The following SYN3 variants were observed in gnomAD, a reference collection of about 807,000 sequenced individuals.
SYN3 encodes synapsin-3.
Under a neutral mutation model 65.8 loss-of-function variants are expected in SYN3, and 35 were observed. That is an observed-to-expected ratio of 0.53 (90% confidence interval 0.41 to 0.70). The LOEUF is 0.70. Among genes scored for constraint, SYN3 ranks in the 30% least tolerant of loss-of-function variants. The pLI is 0.00. For synonymous variants in SYN3, 270 were observed against 292.9 expected, an observed-to-expected ratio of 0.92 and a Z score of 0.80; for missense variants, 680 against 749.0, an observed-to-expected ratio of 0.91 and a Z score of 1.08.
intron 6 of SYN3, among the ~76,000 whole-genome samples, chr22:32,663,036 T>A (rs1240300572): frequency 6.6e-6 from 1 of 152,220 alleles, no homozygotes; most frequent in Non-Finnish European, 1.5e-5. Context: ...CAATTCATAG[T>A]TCACTTTTCT....
intron 3 of SYN3, among the ~76,000 whole-genome samples, chr22:32,946,593 T>C (rs1029059070): frequency 6.6e-6 from 1 of 151,954 alleles, no homozygotes; most frequent in Admixed American, 6.6e-5. Flanking sequence ...CTAATGTAAA[T>C]GATGAATTAA....
intron 6 of SYN3, among the ~76,000 whole-genome samples, chr22:32,624,237 C>T (rs1193861634): frequency 1.3e-5 from 2 of 152,154 alleles, no homozygotes; most frequent in Non-Finnish European, 2.9e-5. Context: ...TGCCAATGCC[C>T]AGGGAGGCCT....
intron 3 of SYN3, among the ~76,000 whole-genome samples, chr22:32,976,994 T>TGGG (rs133920): frequency 3.4e-4 from 51 of 148,856 alleles, no homozygotes; most frequent in African/African-American, 1.0e-3. Flanking sequence ...GTGAGATTCC[T>TGGG]GGGGGGGGGG....
rs1396486209 is a variant in SYN3 at position 32,508,809 on chromosome 22, C to G, written c.*4883G>C. 6.6e-6 allele frequency among the ~76,000 whole-genome samples: 1 copy of G among 152,180 alleles called. No individual in the cohort carries two copies. Among genetic ancestry groups the G allele is most frequent in the Non-Finnish European group, 1.5e-5 (1 of 68,040 alleles). Reference sequence around the variant, plus strand: ...TCCTGAACACCTGCTGGGTGCCAAGCAATGTGCTCTGAGCTTCACTCTCTT... The same window carrying G: ...TCCTGAACACCTGCTGGGTGCCAAGGAATGTGCTCTGAGCTTCACTCTCTT... On this transcript the variant is annotated 3_prime_UTR_variant, in exon 14 of 14. Coordinates refer to ENST00000358763, the MANE Select transcript of SYN3 (RefSeq NM_003490.4).
intron 7 of SYN3, among the ~76,000 whole-genome samples, chr22:32,543,605 G>A (rs960340383): frequency 6.6e-6 from 1 of 152,176 alleles, no homozygotes; most frequent in Admixed American, 6.5e-5. Flanking sequence ...GCGGTGGTGT[G>A]CCTCCTTCCT....
intron 6 of SYN3, among the ~76,000 whole-genome samples, chr22:32,602,651 G>A (rs1168181126): frequency 2.0e-5 from 3 of 151,978 alleles, no homozygotes; most frequent in East Asian, 1.9e-4. Flanking sequence ...TAGTAGAGAC[G>A]GGGTTTCACC....
chr22:32,880,368 G>T (rs910422200), intron 4 of SYN3, among the ~76,000 whole-genome samples: 7 of 152,196 alleles, frequency 4.6e-5, no homozygotes, highest in Non-Finnish European at 2.9e-5. Flanking sequence ...GTAGCTCAAG[G>T]AAGGGGAAGA....
intron 7 of SYN3, among the ~76,000 whole-genome samples, chr22:32,562,044 A>C (rs757319184): frequency 2.0e-5 from 3 of 152,230 alleles, no homozygotes; most frequent in Non-Finnish European, 4.4e-5. Flanking sequence ...GAAGCCAAGC[A>C]TGAGGTGGGT....
At chr22:32,807,473 T>C (rs2046796237) in intron 6 of SYN3, among the ~76,000 whole-genome samples, 1 of 142,082 alleles carries the variant, frequency 7.0e-6, no homozygotes, top group Non-Finnish European at 1.5e-5. Flanking sequence ...AGGTTATAAT[T>C]TTAAACAGCT....
chr22:32,884,814 T>C (rs950030044), intron 4 of SYN3, among the ~76,000 whole-genome samples: 2 of 152,054 alleles, frequency 1.3e-5, no homozygotes, highest in Non-Finnish European at 2.9e-5. Flanking sequence ...GAGTCGGAAG[T>C]TGCAGTGAGC....
At chr22:32,979,219 A>G (rs1569373197) in intron 3 of SYN3, among the ~76,000 whole-genome samples, 1 of 151,522 alleles carries the variant, frequency 6.6e-6, no homozygotes, top group South Asian at 2.1e-4. Context: ...AAAGAAAAAG[A>G]AAAGAAAAGA....
At chr22:32,748,465 G>A (rs936404743) in intron 6 of SYN3, among the ~76,000 whole-genome samples, 2 of 152,280 alleles carry the variant, frequency 1.3e-5, no homozygotes, top group Non-Finnish European at 2.9e-5. Flanking sequence ...GGTGTCGGGG[G>A]CAAGGGTGTG....
chr22:32,690,895 A>G (rs1156484408), intron 6 of SYN3, among the ~76,000 whole-genome samples: 1 of 152,164 alleles, frequency 6.6e-6, no homozygotes, highest in Non-Finnish European at 1.5e-5. Context: ...GAGGTCCATA[A>G]GCATCACACT....
At chr22:32,857,001 T>TC (rs2048387921) in intron 6 of SYN3, among the ~76,000 whole-genome samples, 1 of 152,256 alleles carries the variant, frequency 6.6e-6, no homozygotes, top group Non-Finnish European at 1.5e-5. Context: ...CATTCTTTTT[T>TC]CTGGATGAAT....
intron 6 of SYN3, among the ~76,000 whole-genome samples, chr22:32,611,721 C>T (rs1038976577): frequency 1.2e-4 from 19 of 152,104 alleles, no homozygotes; most frequent in South Asian, 2.1e-4. Context: ...GATGCTGTGA[C>T]GTGATAAGAA....
chr22:32,846,966 G>A (rs1265313029), intron 6 of SYN3, among the ~76,000 whole-genome samples: 3 of 152,232 alleles, frequency 2.0e-5, no homozygotes, highest in Admixed American at 2.0e-4. Flanking sequence ...GCTTCCAGCA[G>A]TACTCAGCTT....
intron 6 of SYN3, among the ~76,000 whole-genome samples, chr22:32,778,514 G>A (rs130533): frequency 0.15 from 23,033 of 151,814 alleles, 2,267 homozygotes; most frequent in East Asian, 0.35. Flanking sequence ...GGCTGGTCTC[G>A]AACTCCTGAC....
chr22:33,010,889 T>A (rs867624194), intron 1 of SYN3, among the ~76,000 whole-genome samples: 36 of 152,202 alleles, frequency 2.4e-4, no homozygotes, highest in African/African-American at 8.7e-4. Flanking sequence ...TGACACTGTT[T>A]TCTAAATTTC....
At chr22:32,942,808 C>T (rs1283652329) in intron 3 of SYN3, among the ~76,000 whole-genome samples, 1 of 152,116 alleles carries the variant, frequency 6.6e-6, no homozygotes, top group East Asian at 1.9e-4. Context: ...GCACTAGCTT[C>T]AGTAACCAAT....
Sources: allele counts gnomAD v4.1 joint callset (sites outside exome capture counted in the v4.1 genomes callset), GRCh38; gene constraint gnomAD v4.1.1; transcripts MANE v1.5; gene names NCBI Gene and HGNC (gene_info 2026-07-23, HGNC 2026-07-21).